The following TENM1 variants were observed in gnomAD, a reference collection of about 807,000 sequenced individuals.
TENM1 encodes the protein teneurin-1.
In TENM1, 35 loss-of-function variants were observed where a neutral mutation model predicts 174.8. The ratio of observed to expected loss-of-function variants is 0.20; its 90% CI spans 0.15 to 0.27. The LOEUF (loss-of-function observed/expected upper bound fraction) is 0.27, where lower values mean the gene tolerates loss of function less well. Among genes scored for constraint, TENM1 ranks in the 10% least tolerant of loss-of-function variants. The pLI, the probability that TENM1 is intolerant of heterozygous loss-of-function variation, is 1.00. For synonymous variants in TENM1, 781 were observed against 798.7 expected, an observed-to-expected ratio of 0.98 and a Z score of 0.37; for missense variants, 1,633 against 2,130.1, an observed-to-expected ratio of 0.77 and a Z score of 4.59.
intron 3 of TENM1, among the ~76,000 whole-genome samples, chrX:124,751,989 T>C (rs1447579107): frequency 9.0e-6 from 1 of 110,811 alleles, no homozygotes; most frequent in Non-Finnish European, 1.9e-5. Flanking sequence ...TGATTTATAG[T>C]CCTTTGGGTA....
Position 124,789,987 on chromosome X carries a change from T to C in TENM1, c.536-52790A>G, listed in dbSNP as rs191707923. On this transcript the variant is annotated intron_variant, in intron 3 of 31. Coordinates refer to ENST00000422452, the Ensembl canonical transcript of TENM1. ...CAATTTACAAAACAAAGTGGTTTATTGGACTTACAGTTCCACATGGCTGAG... is the reference window on the plus strand; with the variant it reads ...CAATTTACAAAACAAAGTGGTTTATCGGACTTACAGTTCCACATGGCTGAG... Among the ~76,000 whole-genome samples, 612 of 112,351 alleles carry C rather than the reference T, an allele frequency of 5.4e-3. 1 individual carries two copies. The highest frequency in any genetic ancestry group is 0.019 in the African/African-American group (584 of 30,947).
intron 15 of TENM1, among the ~76,000 whole-genome samples, chrX:124,534,422 C>T (rs1018433748): frequency 1.8e-5 from 2 of 111,887 alleles, no homozygotes; most frequent in African/African-American, 6.5e-5. Flanking sequence ...CTCCGATATT[C>T]GTTTAACACC....
At chrX:124,662,401 C>T (rs2051628661) in intron 6 of TENM1, among the ~76,000 whole-genome samples, 2 of 103,302 alleles carry the variant, frequency 1.9e-5, no homozygotes, top group Non-Finnish European at 3.9e-5. Context: ...TTGCAGTGAA[C>T]CAAGATCGCG....
intron 5 of TENM1, among the ~76,000 whole-genome samples, chrX:124,674,197 G>A (rs767971447): frequency 9.3e-6 from 1 of 107,389 alleles, no homozygotes; most frequent in South Asian, 4.2e-4. Context: ...AGTCACTGAA[G>A]GGAGAGAATG....
intron 1 of TENM1, among the ~76,000 whole-genome samples, chrX:124,940,073 T>C (rs1298635228): frequency 1.8e-5 from 2 of 112,058 alleles, no homozygotes; most frequent in African/African-American, 6.5e-5. Context: ...AAATTCTCAT[T>C]GAATGATGGA....
chrX:124,712,351 T>C (rs1297876426), intron 4 of TENM1, among the ~76,000 whole-genome samples: 1 of 111,054 alleles, frequency 9.0e-6, no homozygotes, highest in Admixed American at 9.5e-5. Context: ...TCACCAATAC[T>C]TGTAATTTTC....
the TENM1 span, among the ~76,000 whole-genome samples, chrX:124,969,336 T>C: frequency 8.9e-6 from 1 of 112,227 alleles, no homozygotes; most frequent in Non-Finnish European, 1.9e-5. Context: ...TCTTGTGCTT[T>C]AAACTCTCTA....
intron 11 of TENM1, among the ~76,000 whole-genome samples, chrX:124,607,103 C>T (rs2148295878): frequency 9.0e-6 from 1 of 111,168 alleles, no homozygotes; most frequent in South Asian, 3.8e-4. Context: ...TATTTGAAAA[C>T]AAATATCTGT....
intron 28 of TENM1, among the ~76,000 whole-genome samples, chrX:124,389,121 C>T (rs1367482223): frequency 9.0e-6 from 1 of 111,406 alleles, no homozygotes; most frequent in Non-Finnish European, 1.9e-5. Flanking sequence ...GATCATTAAG[C>T]AACCACAGCC....
chrX:125,017,534 A>C, the TENM1 span, among the ~76,000 whole-genome samples: 1 of 111,860 alleles, frequency 8.9e-6, no homozygotes, highest in Non-Finnish European at 1.9e-5. Flanking sequence ...ATATACCCAA[A>C]GGATTATAAT....
intron 15 of TENM1, among the ~76,000 whole-genome samples, chrX:124,535,378 T>A (rs878868250): frequency 9.0e-6 from 1 of 111,376 alleles, no homozygotes; most frequent in African/African-American, 3.3e-5. Flanking sequence ...CTTACCCTTA[T>A]GAAATCTGTC....
At chrX:124,688,961 C>T (rs1377655125) in intron 5 of TENM1, 1 of 111,781 alleles carries the variant, frequency 8.9e-6, no homozygotes, top group Non-Finnish European at 1.9e-5. Flanking sequence ...TTATAGTAAT[C>T]GTTTCATAGT....
At chrX:125,108,508 G>A in the TENM1 span, among the ~76,000 whole-genome samples, 1 of 110,697 alleles carries the variant, frequency 9.0e-6, no homozygotes, top group Non-Finnish European at 1.9e-5. Context: ...ATCACCTGAG[G>A]TCAGGAGTTC....
chrX:125,001,270 C>T, the TENM1 span, among the ~76,000 whole-genome samples: 9 of 111,196 alleles, frequency 8.1e-5, no homozygotes, highest in Non-Finnish European at 1.7e-4. Context: ...TAGCTATTAA[C>T]TCCTCTGGTC....
chrX:125,124,669 T>C, the TENM1 span, among the ~76,000 whole-genome samples: 1 of 112,548 alleles, frequency 8.9e-6, no homozygotes, highest in Non-Finnish European at 1.9e-5. Context: ...TTCAGTATTT[T>C]AAAACAATTA....
intron 4 of TENM1, among the ~76,000 whole-genome samples, chrX:124,718,816 C>T (rs1337480087): frequency 1.8e-5 from 2 of 111,756 alleles, no homozygotes; most frequent in African/African-American, 3.3e-5. Flanking sequence ...TGGGAAACAT[C>T]GATGGAAAAG....
At chrX:125,170,101 G>T in the TENM1 span, among the ~76,000 whole-genome samples, 5 of 111,542 alleles carry the variant, frequency 4.5e-5, no homozygotes, top group African/African-American at 1.6e-4. Context: ...TGTGATTTAA[G>T]TTAAGCAAGG....
the TENM1 span, among the ~76,000 whole-genome samples, chrX:125,022,609 T>C: frequency 9.0e-6 from 1 of 111,395 alleles, no homozygotes; most frequent in Admixed American, 9.6e-5. Context: ...AAATATGATA[T>C]ATAATGAACT....
chrX:125,133,080 G>A, the TENM1 span, among the ~76,000 whole-genome samples: 399 of 110,456 alleles, frequency 3.6e-3, 3 homozygotes, highest in African/African-American at 0.012. Flanking sequence ...TGCAACCTCC[G>A]CCTCCCGGGT....
Sources: gnomAD v4.1 joint callset for allele counts (sites outside exome capture counted in the v4.1 genomes callset) on GRCh38, gnomAD v4.1.1 for gene constraint, MANE v1.5 for transcripts, NCBI Gene and HGNC (gene_info 2026-07-23, HGNC 2026-07-21) for gene names.